Variants in ERBB4 observed in about 807,000 individuals in gnomAD.
ERBB4 encodes erb-b2 receptor tyrosine kinase 4.
ERBB4 carries 42 observed loss-of-function variants against 158.0 expected under a neutral mutation model. That is an observed-to-expected ratio of 0.27 (90% CI 0.21 to 0.34). The LOEUF (loss-of-function observed/expected upper bound fraction) is 0.34. ERBB4 is among the 10% of genes least tolerant of loss of function. The probability of loss-of-function intolerance (pLI) is 1.00; values close to 1 mark genes in which losing one functional copy is unlikely to be tolerated. For synonymous variants in ERBB4, 583 were observed against 558.7 expected (o/e 1.04, Z -0.61); for missense variants, 1,333 against 1,624.1 (o/e 0.82, Z 3.08).
At chr2:212,125,031 G>A in intron 1 of ERBB4, 128 bp from the exon 2 acceptor site, 2 of 1,117,548 alleles carry the variant, frequency 1.8e-6, no homozygotes, top group African/African-American at 1.5e-5. Context: ...TATTTCGATC[G>A]TCATTAAGAG....
chr2:211,685,807 T>G (rs2072541864), intron 12 of ERBB4, among the ~76,000 whole-genome samples: 3 of 152,182 alleles, frequency 2.0e-5, no homozygotes, highest in Admixed American at 6.5e-5. Flanking sequence ...CATCAGTATT[T>G]TGTAGTTTTC....
At chr2:211,715,227 G>A (rs1311848793) in intron 7 of ERBB4, among the ~76,000 whole-genome samples, 1 of 152,130 alleles carries the variant, frequency 6.6e-6, no homozygotes, top group Non-Finnish European at 1.5e-5. Context: ...AAGGGAATCT[G>A]GTGCAAAGAA....
chr2:211,641,783 G>A (rs537488258), intron 16 of ERBB4, among the ~76,000 whole-genome samples: 16 of 151,950 alleles, frequency 1.1e-4, no homozygotes, highest in African/African-American at 3.6e-4. Flanking sequence ...TTTTGCTATC[G>A]TGGTTTCAAG....
In ERBB4 at chr2:211,430,876, AAAATATAAGG is replaced by A. The variant is rs1358353303; in HGVS notation, c.2643+59_2643+68del. ...CTTCAGGCTTATTGGTTTCTTGTAT[AAAATATAAGG>A]AGATAAAAGGATATTATACTATATT... On this transcript the variant is annotated intron_variant, in intron 21 of 27. Transcript: ENST00000342788. The A allele has an allele frequency of 3.0e-6, 4 of 1,354,540 alleles. No individual in the cohort carries two copies. The African/African-American group carries it at 5.8e-5, about 20-fold the overall frequency. 83.9% of individuals were successfully genotyped at this position (1,354,540 alleles called of 1,614,324 possible). A position where few individuals can be genotyped will look rare whatever the true frequency, so the allele number is the denominator to read the frequency against.
intron 5 of ERBB4, among the ~76,000 whole-genome samples, chr2:211,745,690 T>C (rs548902230): frequency 6.9e-6 from 1 of 144,752 alleles, no homozygotes; most frequent in South Asian, 2.4e-4. Flanking sequence ...TTGAATTTCA[T>C]TGTGCCCCCC....
At chr2:211,691,566 A>ATGTGTGTGTGTGTGTGTG (rs1491273640) in intron 12 of ERBB4, among the ~76,000 whole-genome samples, 1 of 87,932 alleles carries the variant, frequency 1.1e-5, no homozygotes, top group African/African-American at 4.7e-5. Context: ...GCATAGAAAC[A>ATGTGTGTGTGTGTGTGTG]TATGTGTGTG....
intron 20 of ERBB4, among the ~76,000 whole-genome samples, chr2:211,545,018 C>A (rs1237340651): frequency 6.6e-6 from 1 of 152,080 alleles, no homozygotes; most frequent in Admixed American, 6.6e-5. Flanking sequence ...TCAACTCCTA[C>A]ACAAAGGACC....
chr2:211,888,037 C>T (rs1400541259), intron 3 of ERBB4, among the ~76,000 whole-genome samples: 1 of 152,062 alleles, frequency 6.6e-6, no homozygotes, highest in East Asian at 1.9e-4. Flanking sequence ...CCTAATATTC[C>T]CCCAGGCCAA....
At chr2:212,490,500 T>G (rs1189065635) in intron 1 of ERBB4, among the ~76,000 whole-genome samples, 1 of 151,844 alleles carries the variant, frequency 6.6e-6, no homozygotes, top group Admixed American at 6.6e-5. Context: ...TAGTATATTA[T>G]TTTTTACTCT....
chr2:211,944,067 T>C lies in ERBB4; in HGVS notation c.421+3363A>G, dbSNP rs891515944. On this transcript the variant is annotated intron_variant, in intron 3 of 27. Coordinates refer to ENST00000342788, the MANE Select transcript of ERBB4 (RefSeq NM_005235.3). ...GAAACGCAAACCATATATATATATA[T>C]ACACATGGTTACACTATATATATAT... 3.2e-4 allele frequency among the ~76,000 whole-genome samples: 35 copies of C among 108,656 alleles called. No homozygotes were observed. In the East Asian group the frequency reaches 3.5e-3, roughly 11 times the overall value. The allele number at this position is 108,656 out of a possible 152,430, so 71.3% of individuals were successfully genotyped here. A position where few individuals can be genotyped will look rare whatever the true frequency, so the allele number is the denominator to read the frequency against.
chr2:211,828,678 CA>C (rs1418712398), intron 3 of ERBB4, among the ~76,000 whole-genome samples: 1 of 152,094 alleles, frequency 6.6e-6, no homozygotes, highest in Non-Finnish European at 1.5e-5. Flanking sequence ...CTGAGTGCCC[CA>C]CAGAAATGTC....
intron 1 of ERBB4, among the ~76,000 whole-genome samples, chr2:212,281,744 T>G (rs899698126): frequency 2.0e-5 from 3 of 151,826 alleles, no homozygotes; most frequent in Non-Finnish European, 2.9e-5. Flanking sequence ...ATATTATTTT[T>G]CCATAATTTA....
At chr2:211,724,947 G>C in intron 6 of ERBB4, 129 bp downstream of exon 6, 1 of 746,566 alleles carries the variant, frequency 1.3e-6, no homozygotes, top group Non-Finnish European at 2.4e-6. Context: ...GAGGAGGGCA[G>C]AGCATTTTTC....
intron 1 of ERBB4, among the ~76,000 whole-genome samples, chr2:212,249,927 T>C (rs1371881462): frequency 6.6e-6 from 1 of 151,968 alleles, no homozygotes; most frequent in Non-Finnish European, 1.5e-5. Flanking sequence ...TTATATGCAA[T>C]TGGCAAGGGA....
intron 3 of ERBB4, among the ~76,000 whole-genome samples, chr2:211,942,759 G>A (rs866363481): frequency 5.3e-5 from 8 of 152,072 alleles, no homozygotes; most frequent in South Asian, 4.1e-4. Flanking sequence ...AATATATAGC[G>A]TATTCAGCTA....
intron 1 of ERBB4, among the ~76,000 whole-genome samples, chr2:212,382,438 G>T (rs2090536218): frequency 6.6e-6 from 1 of 150,418 alleles, no homozygotes; most frequent in Non-Finnish European, 1.5e-5. Flanking sequence ...TTTATAATAT[G>T]ACAATATGTA....
At chr2:211,976,207 A>T (rs2081601322) in intron 2 of ERBB4, among the ~76,000 whole-genome samples, 2 of 152,134 alleles carry the variant, frequency 1.3e-5, no homozygotes, top group Non-Finnish European at 1.5e-5. Flanking sequence ...ATAATAGATA[A>T]ATCTGTAATA....
intron 25 of ERBB4, among the ~76,000 whole-genome samples, chr2:211,408,666 TC>T (rs1368688932): frequency 1.3e-5 from 2 of 152,198 alleles, no homozygotes; most frequent in Non-Finnish European, 2.9e-5. Flanking sequence ...AGTTGTTCTT[TC>T]AGGTGAATCA....
At chr2:212,065,265 G>A (rs1311729922) in intron 2 of ERBB4, among the ~76,000 whole-genome samples, 1 of 151,970 alleles carries the variant, frequency 6.6e-6, no homozygotes, top group East Asian at 1.9e-4. Context: ...AGAAAATTAT[G>A]TAAATTTGGT....
Sources: allele counts gnomAD v4.1 joint callset (sites outside exome capture counted in the v4.1 genomes callset), GRCh38; gene constraint gnomAD v4.1.1; transcripts MANE v1.5; gene names NCBI Gene and HGNC (gene_info 2026-07-23, HGNC 2026-07-21).